The following CLDN10 variants were observed in gnomAD, a reference collection of about 807,000 sequenced individuals.
The protein encoded by CLDN10 is claudin 10.
In CLDN10, 15 loss-of-function variants were observed where a neutral mutation model predicts 22.9. That is an observed-to-expected ratio of 0.65 (90% CI 0.44 to 1.01). The LOEUF (loss-of-function observed/expected upper bound fraction) is 1.01, where lower values mean the gene tolerates loss of function less well. Ranked by LOEUF, CLDN10 falls within the 50% of genes least tolerant of loss-of-function variation. CLDN10 has a pLI of 0.00. For missense variants in CLDN10, 247 were observed against 287.8 expected (o/e 0.86, Z 1.03); for synonymous variants, 114 against 111.4 (o/e 1.02, Z -0.15).
At chr13:95,499,506 C>A (rs1328881672) in intron 1 of CLDN10, among the ~76,000 whole-genome samples, 2 of 152,176 alleles carry the variant, frequency 1.3e-5, no homozygotes, top group Non-Finnish European at 2.9e-5. Context: ...CACGCCACTG[C>A]ACTCCAGCCT....
upstream of CLDN10, among the ~76,000 whole-genome samples, chr13:95,552,265 G>A (rs2043574255): frequency 6.6e-6 from 1 of 152,152 alleles, no homozygotes; most frequent in Non-Finnish European, 1.5e-5. Flanking sequence ...TCAGCAAACC[G>A]AGGGCTGAGT....
At chr13:95,438,975 C>CAAAAAA (rs397851895) in intron 1 of CLDN10, among the ~76,000 whole-genome samples, 3 of 62,204 alleles carry the variant, frequency 4.8e-5, no homozygotes, top group Non-Finnish European at 9.1e-5. Flanking sequence ...GACTCCATCG[C>CAAAAAA]AAAAAAAAAA....
At chr13:95,547,319 C>G (rs2043520462) in intron 1 of CLDN10, among the ~76,000 whole-genome samples, 1 of 152,182 alleles carries the variant, frequency 6.6e-6, no homozygotes, top group Admixed American at 6.5e-5. Flanking sequence ...TCACTCTGGG[C>G]ACCAGCCCCT....
chr13:95,474,585 C>T (rs1472013827), intron 1 of CLDN10, among the ~76,000 whole-genome samples: 1 of 152,194 alleles, frequency 6.6e-6, no homozygotes, highest in Admixed American at 6.5e-5. Context: ...AGGTTAGCCA[C>T]GGCTTCTAGC....
chr13:95,565,553 A>T (rs1046658180), intron 3 of CLDN10, among the ~76,000 whole-genome samples: 4 of 152,048 alleles, frequency 2.6e-5, no homozygotes, highest in Non-Finnish European at 2.9e-5. Context: ...CTACTTTAGG[A>T]TTTAAGCTTT....
chr13:95,452,210 C>T lies in CLDN10; in HGVS notation c.214+18163C>T, dbSNP rs73561533. 5.7e-3 allele frequency among the ~76,000 whole-genome samples: 874 copies of T among 152,242 alleles called. 7 individuals are homozygous for T. Among genetic ancestry groups the T allele is most frequent in the African/African-American group, 0.02 (826 of 41,552 alleles). ...TAACCCCTAATTTTCTCGCTGCTCA[C>T]GTTTTCCTTCATTCTATGATCATGT... On this transcript the variant is annotated intron_variant, in intron 1 of 4. Transcript: ENST00000376873.
chr13:95,457,865 C>T (rs1402145091), intron 1 of CLDN10, among the ~76,000 whole-genome samples: 3 of 152,154 alleles, frequency 2.0e-5, no homozygotes, highest in African/African-American at 7.2e-5. Flanking sequence ...AATAAGTCAA[C>T]CTGTGAGTTA....
rs558185848 is a variant in CLDN10, at chr13:95,467,037, C to G, written c.214+32990C>G. Reference sequence around the variant, plus strand: ...GACTACAGGCGCCTGCCACCATGCCCGTTTTTTTTTTTTGTATTTTTAGCA... The same window carrying G: ...GACTACAGGCGCCTGCCACCATGCCGGTTTTTTTTTTTTGTATTTTTAGCA... On this transcript the variant is annotated intron_variant, in intron 1 of 4. Coordinates refer to the CLDN10 transcript ENST00000376873. Among the ~76,000 whole-genome samples, 529 of 119,060 alleles carry G rather than the reference C, an allele frequency of 4.4e-3. 7 individuals are homozygous for G. Among genetic ancestry groups the G allele is most frequent in the African/African-American group, 0.014 (496 of 35,092 alleles). 78.1% of individuals were successfully genotyped at this position (119,060 alleles called of 152,430 possible). A position where few individuals can be genotyped will look rare whatever the true frequency, so the allele number is the denominator to read the frequency against.
intron 3 of CLDN10, among the ~76,000 whole-genome samples, chr13:95,568,882 A>T (rs1397335763): frequency 1.3e-5 from 2 of 152,242 alleles, no homozygotes; most frequent in Middle Eastern, 3.4e-3. Context: ...TTCAAGAATA[A>T]GGACTCTGGA....
At chr13:95,525,086 C>T (rs755693169) in intron 1 of CLDN10, among the ~76,000 whole-genome samples, 33 of 151,906 alleles carry the variant, frequency 2.2e-4, no homozygotes, top group African/African-American at 7.5e-4. Context: ...CTCGAACTCC[C>T]GACCTCAGGT....
chr13:95,548,514 A>C (rs954156652), upstream of CLDN10, among the ~76,000 whole-genome samples: 3 of 152,212 alleles, frequency 2.0e-5, no homozygotes, highest in Non-Finnish European at 4.4e-5. Context: ...TTATATATGA[A>C]TGGTGATGCA....
intron 1 of CLDN10, among the ~76,000 whole-genome samples, chr13:95,453,306 T>A (rs2042450040): frequency 6.6e-6 from 1 of 152,188 alleles, no homozygotes; most frequent in Non-Finnish European, 1.5e-5. Flanking sequence ...ACCCACTATC[T>A]TGTCAGCAGG....
chr13:95,443,961 T>C (rs1248386688), intron 1 of CLDN10, among the ~76,000 whole-genome samples: 1 of 152,070 alleles, frequency 6.6e-6, no homozygotes, highest in East Asian at 1.9e-4. Context: ...CCCTTGGTGG[T>C]GTTTGGACTG....
At chr13:95,471,452 TA>T (rs1178837127) in intron 1 of CLDN10, among the ~76,000 whole-genome samples, 8 of 114,566 alleles carry the variant, frequency 7.0e-5, no homozygotes, top group East Asian at 3.9e-4. Context: ...TATATATATA[TA>T]TTTTTTTTTT....
chr13:95,543,087 C>T (rs561659027), intron 1 of CLDN10, among the ~76,000 whole-genome samples: 95 of 152,240 alleles, frequency 6.2e-4, no homozygotes, highest in Admixed American at 2.4e-3. Flanking sequence ...TAAAAATTAG[C>T]CAAGCATAGT....
At chr13:95,525,646 C>T (rs1050387119) in intron 1 of CLDN10, among the ~76,000 whole-genome samples, 1 of 152,018 alleles carries the variant, frequency 6.6e-6, no homozygotes, top group African/African-American at 2.4e-5. Context: ...CGTGCACCAC[C>T]GCGCCCAGCT....
At chr13:95,539,162 A>C (rs2043434336) in intron 1 of CLDN10, among the ~76,000 whole-genome samples, 1 of 152,248 alleles carries the variant, frequency 6.6e-6, no homozygotes, top group African/African-American at 2.4e-5. Flanking sequence ...TACAGGCGTG[A>C]GCCACCGTGC....
At chr13:95,563,073 C>A (rs1217444800) in intron 3 of CLDN10, among the ~76,000 whole-genome samples, 2 of 149,948 alleles carry the variant, frequency 1.3e-5, no homozygotes, top group Non-Finnish European at 3.0e-5. Flanking sequence ...CTTGGAATTT[C>A]TCTTTCTGTC....
rs906216130 is a variant in CLDN10 at position 95,552,922 on chromosome 13, T to C, written c.169T>C (p.Ser57Pro). ...ANLWKACVTD[S>P]TGVSNCKDFP... ...CCTGTGGAAGGCGTGCGTTACCGAC[T>C]CCACGGGCGTCTCCAACTGCAAGGA... Residue 57 changes from serine (S) to proline (P), a missense_variant, in exon 1 of 5, where the codon TCC becomes CCC. Physicochemically the swap from Ser to Pro is moderately conservative, Grantham distance 74 (BLOSUM62 -1). Transcript: ENST00000299339. 1 of 1,614,070 alleles carries C rather than the reference T, an allele frequency of 6.2e-7. No individual in the cohort carries two copies. Among genetic ancestry groups the C allele is most frequent in the Non-Finnish European group, 8.5e-7 (1 of 1,179,994 alleles).
Sources: allele counts gnomAD v4.1 joint callset (sites outside exome capture counted in the v4.1 genomes callset), GRCh38; gene constraint gnomAD v4.1.1; transcripts MANE v1.5; gene names NCBI Gene and HGNC (gene_info 2026-07-23, HGNC 2026-07-21).